Variants in MOCOS observed in about 807,000 individuals in gnomAD.
MOCOS encodes molybdenum cofactor sulfurase.
Under a neutral mutation model 83.6 loss-of-function variants are expected in MOCOS, and 86 were observed. The ratio of observed to expected loss-of-function variants is 1.03; its 90% CI spans 0.86 to 1.23. MOCOS has a LOEUF of 1.23. Among genes scored for constraint, MOCOS ranks in the 50% most tolerant of loss-of-function variants. The pLI, the probability that MOCOS is intolerant of heterozygous loss-of-function variation, is 0.00. For missense variants in MOCOS, 1,120 were observed against 1,126.9 expected (o/e 0.99, Z 0.09); for synonymous variants, 445 against 434.7 (o/e 1.02, Z -0.29).
intron 11 of MOCOS, among the ~76,000 whole-genome samples, chr18:36,254,885 TA>T (rs1466598956): frequency 5.4e-5 from 8 of 149,348 alleles, no homozygotes; most frequent in African/African-American, 1.8e-4. Flanking sequence ...ATTGAGTTCT[TA>T]TTTTTTATTT....
intron 9 of MOCOS, among the ~76,000 whole-genome samples, chr18:36,234,704 CT>C (rs2091551144): frequency 6.6e-6 from 1 of 152,102 alleles, no homozygotes; most frequent in Non-Finnish European, 1.5e-5. Context: ...TGTTTTCACA[CT>C]GCTATAAAGA....
At chr18:36,202,987 G>T in intron 4 of MOCOS, 126 bp from the exon 5 acceptor site, 1 of 881,596 alleles carries the variant, frequency 1.1e-6, no homozygotes, top group South Asian at 1.4e-5. Flanking sequence ...TGAGATTTAG[G>T]TGGAGACATA....
At chr18:36,239,907 T>C (rs1397136656) in intron 9 of MOCOS, among the ~76,000 whole-genome samples, 1 of 152,072 alleles carries the variant, frequency 6.6e-6, no homozygotes, top group Non-Finnish European at 1.5e-5. Flanking sequence ...GCTGATACTC[T>C]TTCTTCCAGT....
chr18:36,237,727 C>T (rs1054998748), intron 9 of MOCOS, among the ~76,000 whole-genome samples: 1 of 151,732 alleles, frequency 6.6e-6, no homozygotes, highest in African/African-American at 2.4e-5. Context: ...CTCCTTGTAC[C>T]TGTGGTAGAA....
intron 9 of MOCOS, among the ~76,000 whole-genome samples, chr18:36,222,259 T>A (rs1402306358): frequency 6.6e-6 from 1 of 152,216 alleles, no homozygotes; most frequent in East Asian, 1.9e-4. Context: ...AGAAGTGGGA[T>A]CACTGGATCA....
chr18:36,234,654 C>T (rs1226007429), intron 9 of MOCOS, among the ~76,000 whole-genome samples: 2 of 152,096 alleles, frequency 1.3e-5, no homozygotes, highest in African/African-American at 2.4e-5. Context: ...TGATTCTAGC[C>T]ATCCATGAGC....
At chr18:36,255,367 AG>A (rs766103213) in intron 11 of MOCOS, among the ~76,000 whole-genome samples, 4 of 152,222 alleles carry the variant, frequency 2.6e-5, no homozygotes, top group Non-Finnish European at 5.9e-5. Context: ...CAACTTAATT[AG>A]GTCCTGCAGT....
chr18:36,227,901 G>A (rs1433294558), intron 9 of MOCOS, among the ~76,000 whole-genome samples: 1 of 152,110 alleles, frequency 6.6e-6, no homozygotes, highest in Non-Finnish European at 1.5e-5. Context: ...TAAACAGACA[G>A]CCTATAGAAT....
intron 9 of MOCOS, among the ~76,000 whole-genome samples, chr18:36,224,133 C>T (rs766912488): frequency 6.6e-5 from 10 of 152,094 alleles, no homozygotes; most frequent in Non-Finnish European, 1.3e-4. Flanking sequence ...GATGTGTATC[C>T]TGTATCCTGC....
At chr18:36,199,628 C>T (rs2091403151) in intron 3 of MOCOS, 55 bp from the exon 4 acceptor site, 1 of 1,609,154 alleles carries the variant, frequency 6.2e-7, no homozygotes, top group Non-Finnish European at 8.5e-7. Flanking sequence ...AGCCTGCAAA[C>T]ATTCAGTGCT....
chr18:36,238,824 TG>T (rs1321024399), intron 9 of MOCOS, among the ~76,000 whole-genome samples: 2 of 127,246 alleles, frequency 1.6e-5, no homozygotes, highest in Non-Finnish European at 1.7e-5. Context: ...GCTCCTGTAT[TG>T]GGTGCATATA....
At chr18:36,198,093 A>C (rs760214650) in intron 2 of MOCOS, among the ~76,000 whole-genome samples, 1 of 152,166 alleles carries the variant, frequency 6.6e-6, no homozygotes, top group Non-Finnish European at 1.5e-5. Context: ...TTTTATTGGC[A>C]AATAACTTCC....
chr18:36,195,338 A>C lies in MOCOS; in HGVS notation c.224A>C (p.Asn75Thr). The C allele has an allele frequency of 6.2e-7, 1 of 1,613,836 alleles. No homozygotes were observed. Among genetic ancestry groups the C allele is most frequent in the Non-Finnish European group, 8.5e-7 (1 of 1,179,710 alleles). The change falls in exon 2 of 15, where the codon AAC (asparagine) becomes ACC (threonine). Residue 75 changes from asparagine to threonine, a missense_variant. Physicochemically the swap from Asn to Thr is moderately conservative, Grantham distance 65. Transcript: ENST00000261326. ...LESFTSDLME[N>T]TYGNPHSQNI... ...AGCTTCACTAGTGATCTCATGGAAA[A>C]CACTTATGGTAAAGAAAAACACCTG... is the stretch of plus-strand genomic sequence containing the variant.
chr18:36,198,145 G>A (rs558029127), intron 2 of MOCOS, among the ~76,000 whole-genome samples: 1 of 151,752 alleles, frequency 6.6e-6, no homozygotes, highest in Non-Finnish European at 1.5e-5. Flanking sequence ...CCTAGCACTT[G>A]GGGAGGCTGA....
chr18:36,264,526 C>T (rs553325336), intron 13 of MOCOS, among the ~76,000 whole-genome samples: 2 of 152,300 alleles, frequency 1.3e-5, no homozygotes, highest in Admixed American at 6.5e-5. Flanking sequence ...TTTCCACTCT[C>T]GAGCACGGTC....
intron 9 of MOCOS, among the ~76,000 whole-genome samples, chr18:36,221,047 T>C (rs2091494151): frequency 6.6e-6 from 1 of 152,232 alleles, no homozygotes; most frequent in Admixed American, 6.5e-5. Context: ...TTCATCCTTG[T>C]TGATTTTGTT....
intron 13 of MOCOS, among the ~76,000 whole-genome samples, chr18:36,265,914 G>A (rs751073608): frequency 7.2e-5 from 11 of 152,024 alleles, no homozygotes; most frequent in Non-Finnish European, 1.0e-4. Context: ...TATATATGTA[G>A]CATGGTTTAC....
At chr18:36,223,181 A>G (rs1050757484) in intron 9 of MOCOS, among the ~76,000 whole-genome samples, 1 of 152,120 alleles carries the variant, frequency 6.6e-6, no homozygotes, top group Non-Finnish European at 1.5e-5. Context: ...AATGTCATGA[A>G]GTTTTTCCCC....
intron 9 of MOCOS, among the ~76,000 whole-genome samples, chr18:36,241,982 T>A (rs1233380912): frequency 6.6e-6 from 1 of 152,176 alleles, no homozygotes. Flanking sequence ...CGCGAAGCCA[T>A]TTTTTTCCTC....
Sources: allele counts gnomAD v4.1 joint callset (sites outside exome capture counted in the v4.1 genomes callset), GRCh38; gene constraint gnomAD v4.1.1; transcripts MANE v1.5; gene names NCBI Gene and HGNC (gene_info 2026-07-23, HGNC 2026-07-21).